The following OSTF1 variants were observed in gnomAD, a reference collection of about 807,000 sequenced individuals.
OSTF1 encodes osteoclast stimulating factor 1.
A neutral mutation model predicts 37.2 loss-of-function variants in OSTF1; 27 were observed. That is an observed-to-expected ratio of 0.73 (90% confidence interval 0.54 to 1.00). The LOEUF is 1.00. OSTF1 is among the 50% of genes least tolerant of loss of function. OSTF1 has a pLI of 0.00. For missense variants in OSTF1, 232 were observed against 253.8 expected (o/e 0.91, Z 0.58); for synonymous variants, 82 against 89.2 (o/e 0.92, Z 0.46).
chr9:75,111,728 C>G (rs531058613), intron 1 of OSTF1, among the ~76,000 whole-genome samples: 2 of 148,016 alleles, frequency 1.4e-5, no homozygotes, highest in South Asian at 4.4e-4. Flanking sequence ...AAGCATCTAA[C>G]TTAGCCTCCT....
intron 1 of OSTF1, among the ~76,000 whole-genome samples, chr9:75,108,099 C>G (rs1269600670): frequency 2.0e-5 from 3 of 151,950 alleles, no homozygotes; most frequent in African/African-American, 7.3e-5. Flanking sequence ...GTGGTGCATA[C>G]CTGTAATCCC....
intron 1 of OSTF1, among the ~76,000 whole-genome samples, chr9:75,104,439 C>G (rs945071820): frequency 6.6e-6 from 1 of 152,048 alleles, no homozygotes; most frequent in Non-Finnish European, 1.5e-5. Context: ...CTTTGGGAAG[C>G]TGAGACAGGA....
rs1220623977 is a variant in OSTF1, at chr9:75,128,566, TATATATATTTTGTCC to T, written c.132+956_132+970del. Among the ~76,000 whole-genome samples the T allele has an allele frequency of 9.1e-4, 23 of 25,302 alleles. 9 individuals carry two copies. The highest frequency in any genetic ancestry group is 1.8e-3 in the South Asian group (2 of 1,136). The allele number at this position is 25,302 out of a possible 152,430, so 16.6% of individuals were successfully genotyped here. A position where few individuals can be genotyped will look rare whatever the true frequency, so the allele number is the denominator to read the frequency against. On this transcript the variant is annotated intron_variant, in intron 3 of 9. Transcript: ENST00000346234. ...TATATTTTGTCCATATATATATATA[TATATATATTTTGTCC>T]ATATATATATATATATATATATATA... is the stretch of plus-strand genomic sequence containing the variant.
intron 1 of OSTF1, among the ~76,000 whole-genome samples, chr9:75,093,303 G>A (rs563396346): frequency 1.3e-5 from 2 of 152,238 alleles, no homozygotes; most frequent in Admixed American, 1.3e-4. Flanking sequence ...TTCAATTAGC[G>A]TGAATCTGTC....
At chr9:75,108,303 T>C (rs187451351) in intron 1 of OSTF1, among the ~76,000 whole-genome samples, 78 of 151,450 alleles carry the variant, frequency 5.2e-4, no homozygotes, top group African/African-American at 1.7e-3. Flanking sequence ...ACAAGTAATT[T>C]CTCTAAATGT....
intron 8 of OSTF1, among the ~76,000 whole-genome samples, chr9:75,139,475 T>C (rs1393940170): frequency 6.6e-6 from 1 of 152,012 alleles, no homozygotes; most frequent in Non-Finnish European, 1.5e-5. Flanking sequence ...ATTGCCCAGG[T>C]TGGAGTGCAG....
At chr9:75,132,962 T>TACAC (rs1242050180) in intron 5 of OSTF1, among the ~76,000 whole-genome samples, 1 of 97,702 alleles carries the variant, frequency 1.0e-5, no homozygotes, top group African/African-American at 4.8e-5. Flanking sequence ...TATATACACA[T>TACAC]ACACACACAT....
At chr9:75,089,378 G>A (rs908385703) in intron 1 of OSTF1, among the ~76,000 whole-genome samples, 6 of 151,914 alleles carry the variant, frequency 3.9e-5, no homozygotes, top group African/African-American at 1.5e-4. Flanking sequence ...CTCTCCCAAA[G>A]ACGTTGGCGT....
chr9:75,129,701 A>G (rs1825733463), intron 3 of OSTF1, among the ~76,000 whole-genome samples: 1 of 152,328 alleles, frequency 6.6e-6, no homozygotes, highest in South Asian at 2.1e-4. Flanking sequence ...GGTTGACACT[A>G]CAGAACAAAC....
At chr9:75,102,427 G>T (rs942857796) in intron 1 of OSTF1, among the ~76,000 whole-genome samples, 1 of 152,188 alleles carries the variant, frequency 6.6e-6, no homozygotes, top group East Asian at 1.9e-4. Flanking sequence ...TTGAAGAAAA[G>T]AAAATAGAAT....
chr9:75,133,114 A>G (rs569856396), intron 5 of OSTF1, among the ~76,000 whole-genome samples, 180 bp from the exon 6 acceptor site: 1 of 152,262 alleles, frequency 6.6e-6, no homozygotes, highest in South Asian at 2.1e-4. Context: ...AATACTTTCC[A>G]TTAATAAGCT....
intron 2 of OSTF1, among the ~76,000 whole-genome samples, chr9:75,123,237 C>T (rs996623679): frequency 2.6e-5 from 4 of 152,124 alleles, no homozygotes; most frequent in South Asian, 2.1e-4. Context: ...CTGGCTAACA[C>T]GGTGAAACCC....
At chr9:75,110,906 G>C (rs1260412659) in intron 1 of OSTF1, among the ~76,000 whole-genome samples, 1 of 151,848 alleles carries the variant, frequency 6.6e-6, no homozygotes, top group Non-Finnish European at 1.5e-5. Flanking sequence ...TTTTTGTAGA[G>C]CTGGGGTCTC....
At chr9:75,101,154 C>T (rs1302957484) in intron 1 of OSTF1, among the ~76,000 whole-genome samples, 1 of 152,184 alleles carries the variant, frequency 6.6e-6, no homozygotes, top group African/African-American at 2.4e-5. Context: ...AATCTCGACT[C>T]TCAGGACCGG....
chr9:75,110,946 T>C (rs1051127715), intron 1 of OSTF1, among the ~76,000 whole-genome samples: 40 of 152,248 alleles, frequency 2.6e-4, no homozygotes, highest in African/African-American at 9.4e-4. Flanking sequence ...TCTTGAACTC[T>C]TGGGCTCAAG....
At chr9:75,128,396 ATATATATATATT>A (rs1268031371) in intron 3 of OSTF1, among the ~76,000 whole-genome samples, 1 of 95,230 alleles carries the variant, frequency 1.1e-5, no homozygotes, top group Non-Finnish European at 2.0e-5. Flanking sequence ...ATATATATAT[ATATATATATATT>A]TTGTCCATAT....
intron 1 of OSTF1, among the ~76,000 whole-genome samples, chr9:75,105,695 T>A (rs193269382): frequency 2.6e-4 from 39 of 152,228 alleles, no homozygotes; most frequent in African/African-American, 8.9e-4. Context: ...TCCCAAGGTC[T>A]CCTCAGACTG....
At chr9:75,114,153 TTGTG>T (rs60557033) in intron 1 of OSTF1, among the ~76,000 whole-genome samples, 2 of 150,480 alleles carry the variant, frequency 1.3e-5, no homozygotes, top group African/African-American at 2.4e-5. Flanking sequence ...TAGTATTCTA[TTGTG>T]TGTGTGTGTG....
chr9:75,126,010 A>G (rs1487226663), intron 2 of OSTF1, among the ~76,000 whole-genome samples: 1 of 152,138 alleles, frequency 6.6e-6, no homozygotes, highest in Non-Finnish European at 1.5e-5. Flanking sequence ...CCCAGGTTCA[A>G]GTGATTCTCA....
Sources: allele counts gnomAD v4.1 joint callset (sites outside exome capture counted in the v4.1 genomes callset), GRCh38; gene constraint gnomAD v4.1.1; transcripts MANE v1.5; gene names NCBI Gene and HGNC (gene_info 2026-07-23, HGNC 2026-07-21).